HS6ST3: variants seen among roughly 807,000 people sequenced by gnomAD.
HS6ST3 encodes heparan sulfate 6-O-sulfotransferase 3.
A neutral mutation model predicts 36.7 loss-of-function variants in HS6ST3; 12 were observed. The observed-to-expected ratio is 0.33, with a 90% CI of 0.21 to 0.53. HS6ST3 has a LOEUF of 0.53. Ranked by LOEUF, HS6ST3 falls within the 20% of genes least tolerant of loss-of-function variation. HS6ST3 has a pLI of 0.95. For missense variants in HS6ST3, 584 were observed against 640.9 expected, an observed-to-expected ratio of 0.91 and a Z score of 0.96; for synonymous variants, 240 against 257.5, an observed-to-expected ratio of 0.93 and a Z score of 0.65.
chr13:96,194,977 A>G (rs1429030153), intron 1 of HS6ST3, among the ~76,000 whole-genome samples: 1 of 152,212 alleles, frequency 6.6e-6, no homozygotes, highest in Non-Finnish European at 1.5e-5. Flanking sequence ...CTTAGAGGTC[A>G]TGTGCTGCTC....
At chr13:96,768,657 C>T (rs907750243) in intron 1 of HS6ST3, among the ~76,000 whole-genome samples, 4 of 152,078 alleles carry the variant, frequency 2.6e-5, no homozygotes, top group Non-Finnish European at 2.9e-5. Flanking sequence ...TTTGCTTGTT[C>T]GGATCCCATG....
At chr13:96,784,835 C>T (rs1877606845) in intron 1 of HS6ST3, among the ~76,000 whole-genome samples, 3 of 152,008 alleles carry the variant, frequency 2.0e-5, no homozygotes, top group Admixed American at 1.3e-4. Context: ...AAAAATATAA[C>T]AGGGATTAAA....
chr13:96,092,880 ACTG>A (rs981585122), intron 1 of HS6ST3, among the ~76,000 whole-genome samples: 23 of 152,168 alleles, frequency 1.5e-4, no homozygotes, highest in African/African-American at 5.5e-4. Flanking sequence ...AGAATAAGAA[ACTG>A]GATTTGGAAT....
intron 1 of HS6ST3, among the ~76,000 whole-genome samples, chr13:96,663,551 T>C (rs1421780565): frequency 1.3e-5 from 2 of 152,316 alleles, no homozygotes; most frequent in Non-Finnish European, 1.5e-5. Flanking sequence ...CCATTTTTAA[T>C]GGGAATATGC....
intron 1 of HS6ST3, among the ~76,000 whole-genome samples, chr13:96,390,734 G>T (rs2055391225): frequency 5.3e-5 from 8 of 152,034 alleles, no homozygotes; most frequent in Admixed American, 5.2e-4. Flanking sequence ...GCCAACAAGT[G>T]CCCCCTTCCT....
chr13:96,259,186 A>G (rs1250030000), intron 1 of HS6ST3, among the ~76,000 whole-genome samples: 1 of 152,092 alleles, frequency 6.6e-6, no homozygotes, highest in African/African-American at 2.4e-5. Flanking sequence ...GTATGTGTGC[A>G]TGGGTGTCCT....
intron 1 of HS6ST3, among the ~76,000 whole-genome samples, chr13:96,720,806 T>G (rs1247548969): frequency 2.0e-5 from 3 of 152,194 alleles, no homozygotes; most frequent in African/African-American, 2.4e-5. Flanking sequence ...CATAGATATG[T>G]TTTGCAGTAT....
At chr13:96,438,503 C>T (rs926248127) in intron 1 of HS6ST3, among the ~76,000 whole-genome samples, 3 of 152,204 alleles carry the variant, frequency 2.0e-5, no homozygotes, top group Admixed American at 6.5e-5. Context: ...CTGTCTCTCT[C>T]TACTTGGCTC....
At chr13:96,622,214 C>CA (rs879915846) in intron 1 of HS6ST3, among the ~76,000 whole-genome samples, 8,832 of 125,734 alleles carry the variant, frequency 0.07, 754 homozygotes, top group African/African-American at 0.21. Flanking sequence ...GATATAATTT[C>CA]AAAAAAAAAA....
chr13:96,612,134 C>A (rs1015579549), intron 1 of HS6ST3, among the ~76,000 whole-genome samples: 1 of 152,080 alleles, frequency 6.6e-6, no homozygotes, highest in Admixed American at 6.5e-5. Context: ...GGGAGAAATA[C>A]TTATTGGAAG....
At chr13:96,305,245 G>T in intron 1 of HS6ST3, among the ~76,000 whole-genome samples, 2 of 152,038 alleles carry the variant, frequency 1.3e-5, no homozygotes, top group Non-Finnish European at 2.9e-5. Context: ...ATTCATAATT[G>T]CTTGATATAT....
rs527293717 is a variant in HS6ST3, at chr13:96,493,432, T to A, written c.708-339058T>A. Among the ~76,000 whole-genome samples, 9 of 152,344 alleles carry A rather than the reference T, an allele frequency of 5.9e-5. No individual in the cohort carries two copies. In the East Asian group the frequency reaches 1.7e-3, roughly 29 times the overall value. ...TAAATAATGATGATCATTTAGGTTT[T>A]AGGAGGTTTTACGGGGTTTAAAGTG... On this transcript the variant is annotated intron_variant, in intron 1 of 1. Coordinates refer to ENST00000376705, the MANE Select transcript of HS6ST3 (RefSeq NM_153456.4).
chr13:96,669,387 T>G (rs961865189), intron 1 of HS6ST3, among the ~76,000 whole-genome samples: 1 of 152,140 alleles, frequency 6.6e-6, no homozygotes, highest in African/African-American at 2.4e-5. Flanking sequence ...AGACATGTCT[T>G]GAAATCTTTC....
At chr13:96,536,087 C>G (rs2056154224) in intron 1 of HS6ST3, among the ~76,000 whole-genome samples, 1 of 152,114 alleles carries the variant, frequency 6.6e-6, no homozygotes, top group African/African-American at 2.4e-5. Flanking sequence ...TTATGATGGG[C>G]CCTTATGTGT....
At chr13:96,257,152 G>A (rs1377039597) in intron 1 of HS6ST3, among the ~76,000 whole-genome samples, 1 of 152,146 alleles carries the variant, frequency 6.6e-6, no homozygotes, top group East Asian at 1.9e-4. Context: ...GTACTTAATA[G>A]TGCCAGTACT....
intron 1 of HS6ST3, among the ~76,000 whole-genome samples, chr13:96,797,444 AT>A (rs1362288579): frequency 6.6e-6 from 1 of 152,070 alleles, no homozygotes; most frequent in African/African-American, 2.4e-5. Context: ...TTGAGTTTGA[AT>A]GATAGAATTG....
chr13:96,281,422 T>A (rs576926647), intron 1 of HS6ST3, among the ~76,000 whole-genome samples: 1 of 152,340 alleles, frequency 6.6e-6, no homozygotes, highest in Admixed American at 6.5e-5. Context: ...TGCATGCTTT[T>A]TTTGGTATCA....
chr13:96,219,846 G>A (rs2054446616), intron 1 of HS6ST3, among the ~76,000 whole-genome samples: 1 of 152,142 alleles, frequency 6.6e-6, no homozygotes, highest in African/African-American at 2.4e-5. Flanking sequence ...ACCACACCCA[G>A]CTAATTTTTG....
chr13:96,466,604 A>T (rs1303036875), intron 1 of HS6ST3, among the ~76,000 whole-genome samples: 1 of 152,174 alleles, frequency 6.6e-6, no homozygotes, highest in Non-Finnish European at 1.5e-5. Context: ...AAATGTCAGG[A>T]TTTCTTTCTT....
Sources: allele counts gnomAD v4.1 joint callset (sites outside exome capture counted in the v4.1 genomes callset), GRCh38; gene constraint gnomAD v4.1.1; transcripts MANE v1.5; gene names NCBI Gene and HGNC (gene_info 2026-07-23, HGNC 2026-07-21).